Variants in COL4A3 observed in about 807,000 individuals in gnomAD.
The protein encoded by COL4A3 is collagen alpha-3(IV) chain.
In COL4A3, 135 loss-of-function variants were observed where a neutral mutation model predicts 217.4. The observed-to-expected ratio is 0.62, with a 90% CI of 0.54 to 0.72. The LOEUF (loss-of-function observed/expected upper bound fraction) is 0.72. Ranked by LOEUF, COL4A3 falls within the 30% of genes least tolerant of loss-of-function variation. COL4A3 has a pLI of 0.00. For synonymous variants in COL4A3, 690 were observed against 736.3 expected (o/e 0.94, Z 1.02); for missense variants, 1,868 against 2,119.9 (o/e 0.88, Z 2.33).
intron 1 of COL4A3, among the ~76,000 whole-genome samples, chr2:227,214,275 C>G (rs924417592): frequency 2.0e-5 from 3 of 152,150 alleles, no homozygotes; most frequent in African/African-American, 7.2e-5. Context: ...TATACCTTTT[C>G]TCCATTTAAA....
chr2:227,251,598 A>T (rs904332916), intron 11 of COL4A3, among the ~76,000 whole-genome samples: 3 of 152,234 alleles, frequency 2.0e-5, no homozygotes, highest in Non-Finnish European at 4.4e-5. Flanking sequence ...GAAGCTACTT[A>T]TCACGAAAAA....
At chr2:227,271,284 T>C (rs1195987973) in intron 25 of COL4A3, among the ~76,000 whole-genome samples, 2 of 152,112 alleles carry the variant, frequency 1.3e-5, no homozygotes, top group East Asian at 3.8e-4. Flanking sequence ...AGTAAATATT[T>C]TGGGGCGATG....
intron 1 of COL4A3, chr2:227,228,492 G>C (rs891603300): frequency 1.3e-5 from 2 of 152,260 alleles, no homozygotes; most frequent in African/African-American, 4.8e-5. Flanking sequence ...TGCTCAGTAG[G>C]GTGTTAACCA....
Position 227,261,028 on chromosome 2 carries a change from A to G in COL4A3, c.1115-54A>G, listed in dbSNP as rs1559876374. On this transcript the variant is annotated intron_variant, in intron 19 of 51. Coordinates refer to ENST00000396578, the MANE Select transcript of COL4A3 (RefSeq NM_000091.5). ...TTGTCACCCAAGATTCCAAAAGTGG[A>G]TGGGACAGCATTTATATCTTTCTAA... 3 of 1,444,816 alleles carry G rather than the reference A, an allele frequency of 2.1e-6. No individual in the cohort carries two copies. In the East Asian group the frequency reaches 6.8e-5, roughly 33 times the overall value. The allele number at this position is 1,444,816 out of a possible 1,614,324, so 89.5% of individuals were successfully genotyped here.
chr2:227,203,246 T>C (rs1431549453), intron 1 of COL4A3, among the ~76,000 whole-genome samples: 3 of 39,992 alleles, frequency 7.5e-5, no homozygotes, highest in Non-Finnish European at 1.0e-4. Context: ...TATATATACA[T>C]ATATGTATAT....
Position 227,280,512 on chromosome 2 carries a change from G to C in COL4A3, c.2296G>C (p.Glu766Gln). ...GFPGERGNSGEHGEIGLPGLP... is the reference protein window; with the variant it reads ...GFPGERGNSGQHGEIGLPGLP... ...TCCAGGAGAAAGAGGCAATTCTGGG[G>C]AACATGGAGAAATTGGACTCCCTGG... Residue 766 changes from glutamate (E) to glutamine (Q), a missense_variant, in exon 30 of 52, where the codon GAA (glutamate) becomes CAA (glutamine). Coordinates refer to ENST00000396578, the MANE Select transcript of COL4A3 (RefSeq NM_000091.5). 7 of 1,614,142 alleles carry C rather than the reference G, an allele frequency of 4.3e-6. No homozygotes were observed. Among genetic ancestry groups the C allele is most frequent in the Non-Finnish European group, 5.9e-6 (7 of 1,180,002 alleles).
chr2:227,266,432 G>A lies in COL4A3; in HGVS notation c.1331G>A (p.Arg444His), dbSNP rs761355107. 1.4e-5 allele frequency: 22 copies of A among 1,613,810 alleles called. No individual in the cohort carries two copies. The highest frequency in any genetic ancestry group is 6.7e-5 in the East Asian group (3 of 44,882). Residue 444 changes from arginine (R) to histidine (H), a missense_variant, in exon 22 of 52, where the codon CGC (arginine) becomes CAC (histidine). Arg to His is a conservative substitution (Grantham distance 29). This residue lies in a region of COL4A3 where 1,503 missense variants were observed against 1,786.1 expected (regional missense o/e 0.84). Coordinates refer to ENST00000396578, the MANE Select transcript of COL4A3 (RefSeq NM_000091.5). ...ATTTTTATAGGTGACATCGTTTTTC[G>A]CAAGGGTCCACCTGGAGATCACGGA... is the stretch of plus-strand genomic sequence containing the variant. ...PPGPPGDIVF[R>H]KGPPGDHGLP...
chr2:227,259,312 T>C (rs1461993135), intron 18 of COL4A3: 3 of 153,534 alleles, frequency 2.0e-5, no homozygotes, highest in Admixed American at 1.9e-4. Context: ...ATAAATACAG[T>C]ATTTTTTGAT....
chr2:227,204,995 A>G (rs1040063233), intron 1 of COL4A3, among the ~76,000 whole-genome samples: 4 of 152,222 alleles, frequency 2.6e-5, no homozygotes, highest in African/African-American at 9.6e-5. Flanking sequence ...TTTTCCGTTC[A>G]TCTTTTACAA....
chr2:227,269,912 A>G lies in COL4A3; in HGVS notation c.1507A>G (p.Arg503Gly), dbSNP rs2071139043. The G allele has an allele frequency of 6.2e-7, 1 of 1,613,688 alleles. No individual in the cohort carries two copies. The highest frequency in any genetic ancestry group is 1.3e-5 in the African/African-American group (1 of 74,918). Residue 503 changes from arginine (R) to glycine (G), a missense_variant and splice_region_variant, in exon 24 of 52, where the codon AGA becomes GGA. This residue lies in a region of COL4A3 where 1,503 missense variants were observed against 1,786.1 expected (regional missense o/e 0.84). Coordinates refer to ENST00000396578, the MANE Select transcript of COL4A3 (RefSeq NM_000091.5). ...GLHGVKGIPG[R>G]QGAAGLKGSP... Reference sequence around the variant, plus strand: ...GTTAATAATTCGTTGATTTGCAGGAAGACAAGGCGCAGCTGGCTTGAAAGG... The same window carrying G: ...GTTAATAATTCGTTGATTTGCAGGAGGACAAGGCGCAGCTGGCTTGAAAGG...
intron 1 of COL4A3, among the ~76,000 whole-genome samples, chr2:227,176,715 TG>T (rs1238328970): frequency 6.6e-6 from 1 of 152,230 alleles, no homozygotes; most frequent in Non-Finnish European, 1.5e-5. Context: ...CGGGATATTT[TG>T]GTTGTTACAT....
At chr2:227,280,738 T>C in intron 30 of COL4A3, 148 bp downstream of exon 30, 1 of 1,123,012 alleles carries the variant, frequency 8.9e-7, no homozygotes, top group Non-Finnish European at 1.3e-6. Context: ...TCCTTCCTTC[T>C]TTTTTAATGA....
chr2:227,299,604 G>A (rs1318711915), intron 43 of COL4A3, among the ~76,000 whole-genome samples: 1 of 152,196 alleles, frequency 6.6e-6, no homozygotes, highest in African/African-American at 2.4e-5. Context: ...GTTAGTACAA[G>A]AGTACTATTA....
intron 38 of COL4A3, chr2:227,293,652 C>A (rs2072883812): frequency 2.1e-6 from 1 of 471,500 alleles, no homozygotes; most frequent in Non-Finnish European, 4.3e-6. Context: ...GTGAATTCCA[C>A]AGACTAGGTG....
chr2:227,217,049 A>G (rs542567359), intron 1 of COL4A3, among the ~76,000 whole-genome samples: 2 of 152,340 alleles, frequency 1.3e-5, no homozygotes, highest in South Asian at 2.1e-4. Flanking sequence ...TTTATAAAGA[A>G]AAAGAAGTTT....
Position 227,312,819 on chromosome 2 carries a change from T to C in COL4A3, c.*949T>C, listed in dbSNP as rs2106300840. On this transcript the variant is annotated 3_prime_UTR_variant, in exon 52 of 52. Coordinates refer to ENST00000396578, the MANE Select transcript of COL4A3 (RefSeq NM_000091.5). ...ATAATCCATGAAAGAACTTAAGGCATTTGTTGGTTTATCAGACTCGGAATC... is the reference window on the plus strand; with the variant it reads ...ATAATCCATGAAAGAACTTAAGGCACTTGTTGGTTTATCAGACTCGGAATC... The C allele has an allele frequency of 6.5e-6, 1 of 152,710 alleles. No homozygotes were observed. Among genetic ancestry groups the C allele is most frequent in the Non-Finnish European group, 1.5e-5 (1 of 68,030 alleles). The allele number at this position is 152,710 out of a possible 1,614,324, so 9.5% of individuals were successfully genotyped here. A position where few individuals can be genotyped will look rare whatever the true frequency, so the allele number is the denominator to read the frequency against.
chr2:227,234,429 G>C (rs980365321), intron 1 of COL4A3, among the ~76,000 whole-genome samples: 2 of 152,136 alleles, frequency 1.3e-5, no homozygotes, highest in African/African-American at 4.8e-5. Context: ...TTGCCATTTT[G>C]ATCATAGTTG....
Position 227,312,081 on chromosome 2 carries a change from T to C in COL4A3, c.*211T>C. The C allele has an allele frequency of 2.5e-6, 2 of 810,820 alleles. No homozygotes were observed. 50.2% of individuals were successfully genotyped at this position (810,820 alleles called of 1,614,324 possible). ...TCTAATCTGTGCTGTTTCAAAGTTC[T>C]CTGTGGCAAAGCAGCAACTATTCAC... On this transcript the variant is annotated 3_prime_UTR_variant, in exon 52 of 52. Transcript: ENST00000396578.
intron 3 of COL4A3, 56 bp downstream of exon 3, chr2:227,240,288 T>C: frequency 1.3e-6 from 2 of 1,489,670 alleles, no homozygotes; most frequent in East Asian, 2.4e-5. Context: ...TCTTCCTGCC[T>C]ACCCCCTGGC....
Sources: allele counts gnomAD v4.1 joint callset (sites outside exome capture counted in the v4.1 genomes callset), GRCh38; gene constraint gnomAD v4.1.1; regional missense constraint gnomAD v4.1.1; transcripts MANE v1.5; gene names NCBI Gene and HGNC (gene_info 2026-07-23, HGNC 2026-07-21).